OR7C1: variants seen among roughly 807,000 people sequenced by gnomAD.
The protein encoded by OR7C1 is olfactory receptor 7C1.
For synonymous variants in OR7C1, 152 were observed against 160.7 expected, an observed-to-expected ratio of 0.95 and a Z score of 0.41; for missense variants, 324 against 383.3, an observed-to-expected ratio of 0.85 and a Z score of 1.29.
intron 1 of OR7C1, among the ~76,000 whole-genome samples, chr19:14,834,180 G>A (rs183432437): frequency 3.5e-4 from 53 of 152,174 alleles, no homozygotes; most frequent in Middle Eastern, 3.4e-3. Flanking sequence ...GAGGATCACC[G>A]GAGCCAAGGA....
At chr19:14,830,646 G>A (rs144701275) in intron 1 of OR7C1, among the ~76,000 whole-genome samples, 6 of 152,038 alleles carry the variant, frequency 3.9e-5, no homozygotes, top group South Asian at 4.1e-4. Flanking sequence ...TAATTATGTC[G>A]GTTTTAATGA....
chr19:14,801,881 G>A (rs112782325), intron 2 of OR7C1, among the ~76,000 whole-genome samples: 30,598 of 152,068 alleles, frequency 0.2, 3,262 homozygotes, highest in Admixed American at 0.24. Flanking sequence ...CAGCACTAGG[G>A]GAATGGTGCT....
At chr19:14,812,952 C>A (rs1230220082) in intron 1 of OR7C1, among the ~76,000 whole-genome samples, 1 of 151,692 alleles carries the variant, frequency 6.6e-6, no homozygotes, top group Non-Finnish European at 1.5e-5. Flanking sequence ...GTAGTCCCAG[C>A]TACTTGGGAG....
At position 14,805,600 on chromosome 19, in the gene OR7C1, G is replaced by A. The variant is rs146696031; in HGVS notation, c.-435+4206C>T. On this transcript the variant is annotated intron_variant, in intron 2 of 4. Transcript: ENST00000641666. ...CCGGCCTTGTTTTGTATTTTTAGTA[G>A]AGACAGAGTTTTGCCATGTGCCCAG... Among the ~76,000 whole-genome samples, 512 of 151,394 alleles carry A rather than the reference G, an allele frequency of 3.4e-3. 19 individuals carry two copies. The highest frequency in any genetic ancestry group is 0.012 in the African/African-American group (480 of 41,024).
At chr19:14,817,491 A>G (rs1268177965) in intron 1 of OR7C1, among the ~76,000 whole-genome samples, 1 of 152,140 alleles carries the variant, frequency 6.6e-6, no homozygotes, top group Non-Finnish European at 1.5e-5. Flanking sequence ...TCTATCATCA[A>G]CCATTCAGGG....
chr19:14,812,915 A>G (rs1489881846), intron 1 of OR7C1, among the ~76,000 whole-genome samples: 3 of 151,952 alleles, frequency 2.0e-5, no homozygotes, highest in African/African-American at 7.3e-5. Flanking sequence ...TATACAAAAA[A>G]TTAGCCAGGC....
chr19:14,806,011 TACAG>T (rs5827259), intron 2 of OR7C1, among the ~76,000 whole-genome samples: 2,088 of 152,086 alleles, frequency 0.014, 77 homozygotes, highest in African/African-American at 0.047. Context: ...ATGTTAATAA[TACAG>T]AAAATTGTCC....
At chr19:14,825,071 A>C (rs1349902749) in intron 1 of OR7C1, 1 of 152,190 alleles carries the variant, frequency 6.6e-6, no homozygotes, top group East Asian at 1.9e-4. Flanking sequence ...TCTACTAAAA[A>C]TATGAACAAG....
intron 1 of OR7C1, chr19:14,828,438 C>T (rs2044796885): frequency 1.5e-6 from 1 of 651,144 alleles, no homozygotes; most frequent in Admixed American, 3.1e-5. Flanking sequence ...TCAGCCTTAA[C>T]TGAAGACAGC....
chr19:14,826,178 C>T (rs1404964808), intron 1 of OR7C1: 1 of 152,104 alleles, frequency 6.6e-6, no homozygotes, highest in Non-Finnish European at 1.5e-5. Context: ...TGGTGTGAGT[C>T]ACCCTTTTCA....
chr19:14,824,343 C>G (rs1036924109), intron 1 of OR7C1: 1 of 152,122 alleles, frequency 6.6e-6, no homozygotes, highest in Non-Finnish European at 1.5e-5. Flanking sequence ...AGTGAGTACC[C>G]AAGAGGTAGT....
chr19:14,823,851 A>T (rs1266706227), intron 1 of OR7C1, among the ~76,000 whole-genome samples: 1 of 150,170 alleles, frequency 6.7e-6, no homozygotes, highest in Non-Finnish European at 1.5e-5. Context: ...CTGCATATGG[A>T]TATCCAGTTT....
intron 1 of OR7C1, among the ~76,000 whole-genome samples, chr19:14,820,291 T>G (rs2044734650): frequency 6.6e-6 from 1 of 152,062 alleles, no homozygotes; most frequent in African/African-American, 2.4e-5. Flanking sequence ...AAGCTTTATT[T>G]TCCCAGCCAT....
chr19:14,813,072 CAA>C (rs61686100), intron 1 of OR7C1, among the ~76,000 whole-genome samples: 21 of 87,664 alleles, frequency 2.4e-4, no homozygotes, highest in Admixed American at 2.6e-4. Flanking sequence ...GATTCCATCT[CAA>C]AAAAAAAAAA....
In OR7C1 at chr19:14,799,355, C is replaced by CTG. The variant is rs2044627009; in HGVS notation, c.780_781dup (p.Ser261ThrfsTer17). On this transcript the variant is annotated frameshift_variant, in exon 5 of 5. Coordinates refer to ENST00000641666, the Ensembl canonical transcript of OR7C1. LOFTEE classifies it low-confidence loss of function (END_TRUNC). The stretch of plus-strand genomic sequence containing the variant: ...CCTAGAAGATGGTGTGGCTGCAGAA[C>CTG]TGAGATAGACCCCAAAGCCCGTGCC... The CTG allele has an allele frequency of 1.9e-6, 3 of 1,614,052 alleles. No homozygotes were observed. The Admixed American group carries it at 5.0e-5, about 27-fold the overall frequency.
chr19:14,805,666 C>T lies in OR7C1; in HGVS notation c.-435+4140G>A, dbSNP rs748295047. ...CTGACCTCAAGCGATCCACTTTTCT[C>T]GGCCTCCCAAAGTGCTGGGATTATA... On this transcript the variant is annotated intron_variant, in intron 2 of 4. Coordinates refer to ENST00000641666, the Ensembl canonical transcript of OR7C1. 1.1e-4 allele frequency among the ~76,000 whole-genome samples: 16 copies of T among 151,870 alleles called. 1 individual carries two copies. Among genetic ancestry groups the T allele is most frequent in the South Asian group, 8.3e-4 (4 of 4,816 alleles).
intron 1 of OR7C1, among the ~76,000 whole-genome samples, chr19:14,822,018 T>A (rs958795214): frequency 3.3e-5 from 5 of 152,222 alleles, no homozygotes; most frequent in African/African-American, 1.2e-4. Context: ...ATCCGTGTGG[T>A]CACAAATGAC....
At chr19:14,802,375 C>T (rs948841381) in intron 2 of OR7C1, among the ~76,000 whole-genome samples, 7 of 152,140 alleles carry the variant, frequency 4.6e-5, no homozygotes, top group African/African-American at 1.7e-4. Flanking sequence ...CAAAAATGAG[C>T]TGGGCGTGGT....
intron 1 of OR7C1, among the ~76,000 whole-genome samples, chr19:14,817,800 A>G (rs2044722489): frequency 6.6e-6 from 1 of 152,210 alleles, no homozygotes; most frequent in African/African-American, 2.4e-5. Flanking sequence ...ATGGAATTCC[A>G]ATTGGTAAGA....
Sources: allele counts gnomAD v4.1 joint callset (sites outside exome capture counted in the v4.1 genomes callset), GRCh38; gene constraint gnomAD v4.1.1; transcripts MANE v1.5; gene names NCBI Gene and HGNC (gene_info 2026-07-23, HGNC 2026-07-21).